Variants in AFAP1L1 observed in about 807,000 individuals in gnomAD.
The protein encoded by AFAP1L1 is actin filament associated protein 1 like 1.
AFAP1L1 carries 77 observed loss-of-function variants against 99.8 expected under a neutral mutation model. That is an observed-to-expected ratio of 0.77 (90% CI 0.64 to 0.93). AFAP1L1 has a LOEUF of 0.93. Among genes scored for constraint, AFAP1L1 ranks in the 40% least tolerant of loss-of-function variants. AFAP1L1 has a pLI of 0.00. For synonymous variants in AFAP1L1, 373 were observed against 395.3 expected (o/e 0.94, Z 0.67); for missense variants, 893 against 996.8 (o/e 0.90, Z 1.40).
chr5:149,319,183 C>A (rs551558808), intron 12 of AFAP1L1, among the ~76,000 whole-genome samples: 2 of 152,172 alleles, frequency 1.3e-5, no homozygotes, highest in Non-Finnish European at 2.9e-5. Flanking sequence ...AACTATAACA[C>A]AAGAAACTAT....
chr5:149,295,205 C>G (rs773197895), intron 1 of AFAP1L1, among the ~76,000 whole-genome samples: 1 of 152,164 alleles, frequency 6.6e-6, no homozygotes, highest in Non-Finnish European at 1.5e-5. Flanking sequence ...GCATTCAGTC[C>G]CTTTCTTCTC....
Position 149,309,982 on chromosome 5 carries a change from G to A in AFAP1L1, c.774G>A (p.Gln258=). 2 of 1,614,210 alleles carry A rather than the reference G, an allele frequency of 1.2e-6. No homozygotes were observed. Among genetic ancestry groups the A allele is most frequent in the Non-Finnish European group, 1.7e-6 (2 of 1,180,044 alleles). ...GTTACAAAAGCTCCAAGGATCGGCAGCCACATCTGAGGTTGGCACTGGATA... is the reference window on the plus strand; with the variant it reads ...GTTACAAAAGCTCCAAGGATCGGCAACCACATCTGAGGTTGGCACTGGATA... ...LLCYKSSKDR[Q]PHLRLALDTC... Residue 258 remains glutamine (Q), a synonymous_variant, in exon 8 of 19, where the codon CAG becomes CAA. Transcript: ENST00000296721.
intron 5 of AFAP1L1, chr5:149,304,432 A>C (rs1265468581): frequency 5.3e-5 from 8 of 152,250 alleles, no homozygotes; most frequent in African/African-American, 2.4e-5. Flanking sequence ...ACAGGGAACA[A>C]AGTGCTGCTG....
chr5:149,277,204 G>T (rs996595773), intron 1 of AFAP1L1, among the ~76,000 whole-genome samples: 3 of 152,158 alleles, frequency 2.0e-5, no homozygotes, highest in African/African-American at 7.2e-5. Flanking sequence ...AACTACTGCA[G>T]TTGAATTGAA....
intron 12 of AFAP1L1, 151 bp downstream of exon 12, chr5:149,318,091 GATT>G: frequency 1.1e-6 from 1 of 873,062 alleles, no homozygotes; most frequent in African/African-American, 1.7e-5. Flanking sequence ...GACCCAAGTA[GATT>G]ATAAGACAAC....
chr5:149,274,586 C>T (rs182049225), intron 1 of AFAP1L1, among the ~76,000 whole-genome samples: 1 of 152,276 alleles, frequency 6.6e-6, no homozygotes, highest in East Asian at 1.9e-4. Flanking sequence ...CATGAGACTT[C>T]AAGTATTCCA....
rs1756843390 is a variant in AFAP1L1, at chr5:149,317,867, C to T, written c.1406C>T (p.Ala469Val). The change falls in exon 12 of 19, where the codon GCC (alanine) becomes GTC (valine). Residue 469 changes from alanine (A) to valine (V), a missense_variant. Physicochemically the swap from Ala to Val is moderately conservative, Grantham distance 64. Coordinates refer to ENST00000296721, the MANE Select transcript of AFAP1L1 (RefSeq NM_152406.4). ...ATCGCCCTGCAAGGCTGTGAGGTGG[C>T]CCCGGGCTTTGGGCCCCGACACCCA... ...NAIALQGCEV[A>V]PGFGPRHPFA... is the part of the protein sequence containing the mutation. 1.9e-6 allele frequency: 3 copies of T among 1,605,244 alleles called. No homozygotes were observed. The highest frequency in any genetic ancestry group is 2.6e-6 in the Non-Finnish European group (3 of 1,175,894).
At chr5:149,287,752 GT>G (rs57835099) in intron 1 of AFAP1L1, among the ~76,000 whole-genome samples, 5,075 of 130,210 alleles carry the variant, frequency 0.039, 90 homozygotes, top group African/African-American at 0.069. Context: ...TTTTTTTGGT[GT>G]TTTTTTTTTT....
chr5:149,334,484 C>G (rs1432410005), intron 17 of AFAP1L1, among the ~76,000 whole-genome samples: 1 of 152,154 alleles, frequency 6.6e-6, no homozygotes, highest in Non-Finnish European at 1.5e-5. Context: ...AAATTCCTTG[C>G]AGGTTTAGCT....
chr5:149,325,021 G>A (rs1757055593), intron 15 of AFAP1L1, among the ~76,000 whole-genome samples: 1 of 152,216 alleles, frequency 6.6e-6, no homozygotes, highest in Non-Finnish European at 1.5e-5. Context: ...ATATCAGGAA[G>A]CAAGAATCAT....
intron 8 of AFAP1L1, among the ~76,000 whole-genome samples, chr5:149,310,662 G>T (rs562176384): frequency 2.0e-5 from 3 of 152,168 alleles, no homozygotes; most frequent in Non-Finnish European, 4.4e-5. Flanking sequence ...GCTTGAAAAT[G>T]GGACAAAATA....
chr5:149,275,801 C>T (rs752794933), intron 1 of AFAP1L1, among the ~76,000 whole-genome samples: 3 of 152,180 alleles, frequency 2.0e-5, no homozygotes, highest in Admixed American at 1.3e-4. Flanking sequence ...CCACCATGCC[C>T]GGCCGTCTCT....
At chr5:149,310,273 G>A (rs1756585309) in intron 8 of AFAP1L1, 138 bp downstream of exon 8, 1 of 1,103,136 alleles carries the variant, frequency 9.1e-7, no homozygotes, top group Non-Finnish European at 1.2e-6. Flanking sequence ...GCGTGGCTAG[G>A]GCTTATGTAT....
At chr5:149,319,814 G>T in intron 13 of AFAP1L1, 87 bp downstream of exon 13, 4 of 1,526,802 alleles carry the variant, frequency 2.6e-6, no homozygotes. Context: ...CTGGGCACTG[G>T]GAGGGAAGGG....
rs1424015745 is a variant in AFAP1L1 at position 149,343,606 on chromosome 5, AG to A, written c.*3577del. Among the ~76,000 whole-genome samples the A allele has an allele frequency of 6.6e-6, 1 of 152,210 alleles. No homozygotes were observed. The highest frequency in any genetic ancestry group is 2.4e-5 in the African/African-American group (1 of 41,450). Reference sequence around the variant, plus strand: ...TTGGAGGAAAAAACCTTAACAAGGAAGCAAAAGAAATAAAATACTAAGAAAC... The same window carrying A: ...TTGGAGGAAAAAACCTTAACAAGGAACAAAAGAAATAAAATACTAAGAAAC... On this transcript the variant is annotated 3_prime_UTR_variant, in exon 19 of 19. Transcript: ENST00000296721.
intron 5 of AFAP1L1, among the ~76,000 whole-genome samples, chr5:149,303,250 G>T (rs1199104690): frequency 1.3e-5 from 2 of 151,978 alleles, no homozygotes; most frequent in Non-Finnish European, 2.9e-5. Flanking sequence ...TAGTAGGTGG[G>T]TGCAGTAAAA....
At chr5:149,324,931 C>T (rs746073765) in intron 15 of AFAP1L1, among the ~76,000 whole-genome samples, 13 of 152,170 alleles carry the variant, frequency 8.5e-5, no homozygotes, top group Non-Finnish European at 1.9e-4. Flanking sequence ...TTAGAAGTTA[C>T]ACTCTGTCAT....
chr5:149,286,697 G>T (rs527501788), intron 1 of AFAP1L1, among the ~76,000 whole-genome samples: 1 of 152,316 alleles, frequency 6.6e-6, no homozygotes, highest in African/African-American at 2.4e-5. Context: ...TAAAATTTCA[G>T]TATACAGGGT....
intron 15 of AFAP1L1, among the ~76,000 whole-genome samples, chr5:149,326,029 C>T (rs1757085261): frequency 1.3e-5 from 2 of 152,166 alleles, no homozygotes; most frequent in East Asian, 3.9e-4. Flanking sequence ...GGATCCAGAG[C>T]AGTGACTCAG....
Sources: gnomAD v4.1 joint callset for allele counts (sites outside exome capture counted in the v4.1 genomes callset) on GRCh38, gnomAD v4.1.1 for gene constraint, MANE v1.5 for transcripts, NCBI Gene and HGNC (gene_info 2026-07-23, HGNC 2026-07-21) for gene names.